Variants in ATP2B2 observed in about 807,000 individuals in gnomAD.
ATP2B2 encodes the protein plasma membrane calcium-transporting ATPase 2.
In ATP2B2, 15 loss-of-function variants were observed where a neutral mutation model predicts 120.0. The observed-to-expected ratio is 0.12, with a 90% confidence interval of 0.08 to 0.19. ATP2B2 has a LOEUF of 0.19. Among genes scored for constraint, ATP2B2 ranks in the 10% least tolerant of loss-of-function variants. ATP2B2 has a pLI of 1.00. For synonymous variants in ATP2B2, 694 were observed against 700.3 expected (o/e 0.99, Z 0.14); for missense variants, 1,045 against 1,719.8 (o/e 0.61, Z 6.94).
chr3:10,534,050 T>C (rs545355098), exon 3 of ATP2B2: 13 of 152,138 alleles, frequency 8.5e-5, no homozygotes, highest in Non-Finnish European at 1.8e-4. Flanking sequence ...CCTCCACGTC[T>C]TCTGGTTAAA....
chr3:10,391,721 C>T (rs1193005073), intron 5 of ATP2B2, among the ~76,000 whole-genome samples: 3 of 151,990 alleles, frequency 2.0e-5, no homozygotes, highest in African/African-American at 7.3e-5. Context: ...TCCTCCCTCC[C>T]TCTGTCCTCC....
At chr3:10,652,803 A>G (rs1278491671) in intron 1 of ATP2B2, among the ~76,000 whole-genome samples, 3 of 152,234 alleles carry the variant, frequency 2.0e-5, no homozygotes, top group Non-Finnish European at 4.4e-5. Context: ...CCAAAGGATG[A>G]ATGTTGAGGA....
chr3:10,502,193 C>T (rs1372936944), intron 1 of ATP2B2, among the ~76,000 whole-genome samples: 1 of 152,170 alleles, frequency 6.6e-6, no homozygotes, highest in East Asian at 1.9e-4. Flanking sequence ...TCAGAGTTGG[C>T]CAGTTGCAGC....
intron 2 of ATP2B2, among the ~76,000 whole-genome samples, chr3:10,418,928 C>T (rs1178633230): frequency 5.9e-5 from 9 of 152,160 alleles, no homozygotes. Context: ...AGCTGGGCGC[C>T]TTGTCTGCAG....
chr3:10,653,344 G>A (rs932767686), intron 1 of ATP2B2, among the ~76,000 whole-genome samples: 2 of 152,100 alleles, frequency 1.3e-5, no homozygotes, highest in Non-Finnish European at 2.9e-5. Flanking sequence ...ACTTCAAAGT[G>A]CCCAGTCTTC....
intron 1 of ATP2B2, among the ~76,000 whole-genome samples, chr3:10,669,500 C>G (rs571284261): frequency 6.6e-6 from 1 of 152,280 alleles, no homozygotes; most frequent in Admixed American, 6.5e-5. Flanking sequence ...CTCTTTCACC[C>G]CTTTAAACTG....
chr3:10,705,669 T>C (rs920853945), intron 1 of ATP2B2, among the ~76,000 whole-genome samples: 9 of 152,246 alleles, frequency 5.9e-5, no homozygotes, highest in Admixed American at 5.9e-4. Flanking sequence ...ATGTAGATGG[T>C]AACACCGGCT....
chr3:10,684,153 A>G (rs1252363672), intron 1 of ATP2B2, among the ~76,000 whole-genome samples: 4 of 152,136 alleles, frequency 2.6e-5, no homozygotes, highest in Non-Finnish European at 5.9e-5. Flanking sequence ...ATCCTGTGGT[A>G]CTCAATGATT....
intron 2 of ATP2B2, among the ~76,000 whole-genome samples, chr3:10,536,501 CT>C (rs1361122123): frequency 6.7e-6 from 1 of 149,742 alleles, no homozygotes; most frequent in Non-Finnish European, 1.5e-5. Context: ...CCTTCTCCTT[CT>C]TTTCCTCCTC....
intron 2 of ATP2B2, among the ~76,000 whole-genome samples, chr3:10,430,483 C>T (rs2063281782): frequency 6.6e-6 from 1 of 152,170 alleles, no homozygotes; most frequent in Non-Finnish European, 1.5e-5. Context: ...GAGGAGGTCA[C>T]TGCAGATGTG....
At chr3:10,588,267 TCTAGACATTGCCAAATGTCC>T (rs1462004922) in intron 2 of ATP2B2, among the ~76,000 whole-genome samples, 1 of 152,174 alleles carries the variant, frequency 6.6e-6, no homozygotes, top group Non-Finnish European at 1.5e-5. Context: ...GTCAAATGTC[TCTAGACATTGCCAAATGTCC>T]CTAGGGGTAA....
intron 1 of ATP2B2, among the ~76,000 whole-genome samples, chr3:10,681,321 G>A (rs2071377913): frequency 6.6e-6 from 1 of 152,204 alleles, no homozygotes; most frequent in African/African-American, 2.4e-5. Context: ...CTGGCCCCAG[G>A]CCCTTGTCAC....
intron 2 of ATP2B2, among the ~76,000 whole-genome samples, chr3:10,411,871 C>T (rs2062623019): frequency 6.6e-6 from 1 of 152,232 alleles, no homozygotes. Context: ...GTGCACCCCT[C>T]ATCATGTGGG....
chr3:10,343,100 G>T lies in ATP2B2; in HGVS notation c.2704-135C>A. 1 of 855,210 alleles carries T rather than the reference G, an allele frequency of 1.2e-6. No individual in the cohort carries two copies. The highest frequency in any genetic ancestry group is 1.8e-6 in the Non-Finnish European group (1 of 540,838). The allele number at this position is 855,210 out of a possible 1,614,324, so 53.0% of individuals were successfully genotyped here. A position where few individuals can be genotyped will look rare whatever the true frequency, so the allele number is the denominator to read the frequency against. On this transcript the variant is annotated intron_variant, in intron 18 of 22. Coordinates refer to ENST00000360273, the MANE Select transcript of ATP2B2 (RefSeq NM_001001331.4). This position sits in a 1 kb window ranked among gnomAD's most constrained non-coding sequence, Gnocchi z 4.2. ...GACCTGCCCCTTGGCTCCCCAGCAGGCATGGAGTTGTTCTCTGATGCCTTC... is the reference window on the plus strand; with the variant it reads ...GACCTGCCCCTTGGCTCCCCAGCAGTCATGGAGTTGTTCTCTGATGCCTTC...
At chr3:10,674,575 T>C (rs2071197153) in intron 1 of ATP2B2, among the ~76,000 whole-genome samples, 1 of 152,254 alleles carries the variant, frequency 6.6e-6, no homozygotes, top group African/African-American at 2.4e-5. Flanking sequence ...AACATATTTT[T>C]CTTTCTTTTA....
chr3:10,330,938 T>C (rs2059962294), intron 22 of ATP2B2, among the ~76,000 whole-genome samples: 2 of 152,262 alleles, frequency 1.3e-5, no homozygotes, highest in Admixed American at 6.5e-5. Flanking sequence ...ATTATCCTTC[T>C]TGGTCTTAGG....
At chr3:10,661,125 A>G (rs6442192) in intron 1 of ATP2B2, among the ~76,000 whole-genome samples, 33,469 of 152,054 alleles carry the variant, frequency 0.22, 6,168 homozygotes, top group African/African-American at 0.5. Flanking sequence ...TTTAGGACAA[A>G]CCCTCAGCCA....
chr3:10,668,090 G>C (rs1429226394), intron 1 of ATP2B2, among the ~76,000 whole-genome samples: 2 of 152,242 alleles, frequency 1.3e-5, no homozygotes, highest in Non-Finnish European at 2.9e-5. Context: ...CGTGACCTTA[G>C]GCACATGGCC....
chr3:10,548,649 C>T (rs1020434555), intron 2 of ATP2B2, among the ~76,000 whole-genome samples: 6 of 152,208 alleles, frequency 3.9e-5, no homozygotes, highest in Non-Finnish European at 7.3e-5. Context: ...TGCTTGATAA[C>T]ACCTTGTTCC....
Sources: allele counts gnomAD v4.1 joint callset (sites outside exome capture counted in the v4.1 genomes callset), GRCh38; gene constraint gnomAD v4.1.1; non-coding constraint Gnocchi (gnomAD v3.1); transcripts MANE v1.5; gene names NCBI Gene and HGNC (gene_info 2026-07-23, HGNC 2026-07-21).